The following PDE10A variants were observed in gnomAD, a reference collection of about 807,000 sequenced individuals.
PDE10A encodes the protein cAMP and cAMP-inhibited cGMP 3',5'-cyclic phosphodiesterase 10A.
A neutral mutation model predicts 97.7 loss-of-function variants in PDE10A; 39 were observed. That is an observed-to-expected ratio of 0.40 (90% CI 0.31 to 0.52). PDE10A has a LOEUF of 0.52. Among genes scored for constraint, PDE10A ranks in the 20% least tolerant of loss-of-function variants. The pLI is 0.56. For synonymous variants in PDE10A, 371 were observed against 376.8 expected (o/e 0.98, Z 0.18); for missense variants, 731 against 1,047.8 (o/e 0.70, Z 4.17).
intron 20 of PDE10A, among the ~76,000 whole-genome samples, chr6:165,336,487 C>T (rs1040732381): frequency 1.3e-5 from 2 of 152,152 alleles, no homozygotes; most frequent in African/African-American, 2.4e-5. Flanking sequence ...CGGTGGCTCA[C>T]GCCTGTAATC....
At chr6:165,901,007 T>C (rs905315281) in intron 1 of PDE10A, among the ~76,000 whole-genome samples, 57 of 152,254 alleles carry the variant, frequency 3.7e-4, no homozygotes, top group African/African-American at 1.3e-3. Flanking sequence ...CAGCCAATAA[T>C]AGGAGAGGGA....
chr6:165,489,154 C>T (rs1033552437), intron 2 of PDE10A, among the ~76,000 whole-genome samples: 1 of 152,118 alleles, frequency 6.6e-6, no homozygotes. Context: ...AAAACCAGTG[C>T]ACTAAACAAA....
intron 1 of PDE10A, among the ~76,000 whole-genome samples, chr6:165,757,059 C>T (rs1290909769): frequency 6.6e-6 from 1 of 151,958 alleles, no homozygotes; most frequent in Admixed American, 6.6e-5. Context: ...CATCCACCTC[C>T]TGGGTTCAAG....
intron 1 of PDE10A, among the ~76,000 whole-genome samples, chr6:165,930,035 G>T (rs1359428162): frequency 6.8e-6 from 1 of 148,124 alleles, no homozygotes; most frequent in Non-Finnish European, 1.5e-5. Context: ...TATCACTCCA[G>T]AAATGAGGGT....
At chr6:165,651,888 G>T (rs61378724) in intron 1 of PDE10A, among the ~76,000 whole-genome samples, 6,144 of 152,064 alleles carry the variant, frequency 0.04, 384 homozygotes, top group African/African-American at 0.13. Flanking sequence ...CTCAAATCAT[G>T]TATTCAGTAG....
intron 1 of PDE10A, among the ~76,000 whole-genome samples, chr6:165,645,521 G>A (rs757678770): frequency 5.3e-5 from 8 of 152,098 alleles, no homozygotes; most frequent in African/African-American, 1.7e-4. Flanking sequence ...CATTAAATCT[G>A]GCAAAACCTA....
chr6:165,711,205 C>T lies in PDE10A; in HGVS notation c.-614-167637G>A, dbSNP rs1030418657. On this transcript the variant is annotated intron_variant, in intron 1 of 19. Transcript: ENST00000366882. This position sits in a 1 kb window ranked among gnomAD's most constrained non-coding sequence, Gnocchi z 4.5. ...TTAGCAGTAAGTTCTACTAAATACA[C>T]CGTTAGAGTTGGGAGCAGGGCTCTT... is the stretch of plus-strand genomic sequence containing the variant. Among the ~76,000 whole-genome samples the T allele has an allele frequency of 1.3e-5, 2 of 152,178 alleles. No homozygotes were observed. Among genetic ancestry groups the T allele is most frequent in the Non-Finnish European group, 2.9e-5 (2 of 68,020 alleles).
chr6:165,927,880 A>G (rs1392347652), intron 1 of PDE10A, among the ~76,000 whole-genome samples: 1 of 150,116 alleles, frequency 6.7e-6, no homozygotes, highest in Non-Finnish European at 1.5e-5. Flanking sequence ...AATTTTTAGT[A>G]GAGACGGGGT....
chr6:165,924,266 C>T (rs530146160), intron 1 of PDE10A, among the ~76,000 whole-genome samples: 2 of 152,122 alleles, frequency 1.3e-5, no homozygotes, highest in South Asian at 2.1e-4. Flanking sequence ...AGGCATACAA[C>T]TCATGGTTTC....
intron 1 of PDE10A, among the ~76,000 whole-genome samples, chr6:165,596,211 G>A (rs971866640): frequency 6.6e-6 from 1 of 152,138 alleles, no homozygotes; most frequent in African/African-American, 2.4e-5. Flanking sequence ...TAATCCATCA[G>A]GAAATACTGT....
intron 1 of PDE10A, among the ~76,000 whole-genome samples, chr6:165,627,708 T>A (rs1583673057): frequency 6.6e-6 from 1 of 152,330 alleles, no homozygotes; most frequent in Non-Finnish European, 1.5e-5. Flanking sequence ...TCATTTTCAT[T>A]TTCTAGCCAG....
At chr6:165,933,702 T>A (rs1783222837) in intron 1 of PDE10A, among the ~76,000 whole-genome samples, 1 of 152,228 alleles carries the variant, frequency 6.6e-6, no homozygotes, top group African/African-American at 2.4e-5. Flanking sequence ...TCATAGAATA[T>A]ACACATCTTT....
intron 2 of PDE10A, among the ~76,000 whole-genome samples, chr6:165,502,348 T>C (rs1277165653): frequency 6.6e-6 from 1 of 152,160 alleles, no homozygotes; most frequent in Non-Finnish European, 1.5e-5. Flanking sequence ...GAAAGTATTT[T>C]CAAAATACGT....
At chr6:165,442,028 T>G (rs1469343826) in intron 5 of PDE10A, among the ~76,000 whole-genome samples, 2 of 152,246 alleles carry the variant, frequency 1.3e-5, no homozygotes, top group African/African-American at 4.8e-5. Flanking sequence ...TTTTAGATTA[T>G]TAAACATATA....
intron 3 of PDE10A, among the ~76,000 whole-genome samples, chr6:165,464,078 C>T (rs1778491785): frequency 6.6e-6 from 1 of 152,148 alleles, no homozygotes; most frequent in Non-Finnish European, 1.5e-5. Context: ...GGCTGTGAGA[C>T]CCCTGATTTC....
At chr6:165,598,337 T>C (rs1259571644) in intron 1 of PDE10A, among the ~76,000 whole-genome samples, 2 of 152,242 alleles carry the variant, frequency 1.3e-5, no homozygotes, top group African/African-American at 4.8e-5. Context: ...ACAGAATGTT[T>C]AAGAGTCACA....
At chr6:165,777,130 G>A (rs1454318060) in intron 1 of PDE10A, among the ~76,000 whole-genome samples, 1 of 152,188 alleles carries the variant, frequency 6.6e-6, no homozygotes, top group Non-Finnish European at 1.5e-5. Flanking sequence ...CAGCATCCCG[G>A]ACGAATCTCA....
chr6:165,678,881 GCT>G (rs1469919322), intron 1 of PDE10A, among the ~76,000 whole-genome samples: 1 of 152,176 alleles, frequency 6.6e-6, no homozygotes, highest in Non-Finnish European at 1.5e-5. Flanking sequence ...AAGGATCTCT[GCT>G]CTCTTTGCTT....
chr6:165,664,846 T>C (rs145951958), upstream of PDE10A, among the ~76,000 whole-genome samples: 7 of 152,356 alleles, frequency 4.6e-5, no homozygotes, highest in African/African-American at 1.7e-4. Context: ...CCTTGTCATT[T>C]AAGTTTCTTT....
Sources: gnomAD v4.1 joint callset for allele counts (sites outside exome capture counted in the v4.1 genomes callset) on GRCh38, gnomAD v4.1.1 for gene constraint, Gnocchi (gnomAD v3.1) non-coding constraint, MANE v1.5 for transcripts, NCBI Gene and HGNC (gene_info 2026-07-23, HGNC 2026-07-21) for gene names.